NRP1: variants seen among roughly 807,000 people sequenced by gnomAD.
NRP1 encodes the protein neuropilin 1.
A neutral mutation model predicts 106.7 loss-of-function variants in NRP1; 35 were observed. The ratio of observed to expected loss-of-function variants is 0.33; its 90% confidence interval spans 0.25 to 0.43. The LOEUF (loss-of-function observed/expected upper bound fraction) is 0.43, where lower values mean the gene tolerates loss of function less well. NRP1 is among the 20% of genes least tolerant of loss of function. NRP1 has a pLI of 1.00. For synonymous variants in NRP1, 437 were observed against 417.9 expected (o/e 1.05, Z -0.56); for missense variants, 1,024 against 1,170.4 (o/e 0.87, Z 1.83).
intron 2 of NRP1, among the ~76,000 whole-genome samples, chr10:33,317,097 C>T (rs1564483487): frequency 2.0e-5 from 3 of 152,204 alleles, no homozygotes; most frequent in Non-Finnish European, 4.4e-5. Context: ...CATAGAGGCC[C>T]ATAACAGTCC....
At chr10:33,200,394 C>T (rs907006008) in intron 11 of NRP1, among the ~76,000 whole-genome samples, 2 of 152,182 alleles carry the variant, frequency 1.3e-5, no homozygotes, top group Non-Finnish European at 2.9e-5. Context: ...ACATTCTACT[C>T]ATTTCCATGC....
At chr10:33,230,357 G>T (rs1383971164) in intron 6 of NRP1, among the ~76,000 whole-genome samples, 1 of 152,098 alleles carries the variant, frequency 6.6e-6, no homozygotes, top group African/African-American at 2.4e-5. Context: ...TTGCCACTTT[G>T]GCATGAAGAT....
At chr10:33,254,004 T>C (rs1278712719) in intron 6 of NRP1, 24 bp downstream of exon 6, 7 of 1,581,976 alleles carry the variant, frequency 4.4e-6, no homozygotes, top group Admixed American at 3.8e-5. Flanking sequence ...CAATCCTAGA[T>C]AGGCTTGATC....
At chr10:33,206,377 C>T (rs571625808) in intron 10 of NRP1, 7 of 515,566 alleles carry the variant, frequency 1.4e-5, no homozygotes, top group East Asian at 1.1e-4. Flanking sequence ...GGGTTTGGGA[C>T]ATGACTACAG....
intron 2 of NRP1, among the ~76,000 whole-genome samples, chr10:33,283,199 A>G (rs930754450): frequency 2.6e-5 from 4 of 152,262 alleles, no homozygotes; most frequent in African/African-American, 4.8e-5. Context: ...TTATGATGCT[A>G]GAATGAAATG....
At chr10:33,280,372 C>A (rs1844030616) in intron 2 of NRP1, among the ~76,000 whole-genome samples, 1 of 152,134 alleles carries the variant, frequency 6.6e-6, no homozygotes, top group Non-Finnish European at 1.5e-5. Context: ...TTGCAAAGTT[C>A]AGTATTTGTA....
intron 13 of NRP1, among the ~76,000 whole-genome samples, chr10:33,188,590 C>T (rs185250774): frequency 2.0e-4 from 31 of 152,054 alleles, no homozygotes; most frequent in Non-Finnish European, 3.4e-4. Flanking sequence ...TAAATATGCT[C>T]GTGTGGCCGG....
chr10:33,287,635 G>T (rs941714779), intron 2 of NRP1, among the ~76,000 whole-genome samples: 2 of 152,172 alleles, frequency 1.3e-5, no homozygotes, highest in African/African-American at 4.8e-5. Context: ...TAGTTGACTT[G>T]ATAAGACCAT....
chr10:33,275,554 C>T (rs768740301), intron 2 of NRP1, among the ~76,000 whole-genome samples: 13 of 151,734 alleles, frequency 8.6e-5, no homozygotes, highest in East Asian at 5.8e-4. Context: ...GGCAACAGAG[C>T]GAGACTTTGT....
In NRP1 at chr10:33,179,898, G is replaced by A. The variant is rs1835572127; in HGVS notation, c.*178C>T. On this transcript the variant is annotated 3_prime_UTR_variant, in exon 17 of 17. Transcript: ENST00000374867. ...AAGCTGACTGCACATGAGTCCGATG[G>A]TGAACACAGCTCCTTGTCCATGTCT... 1.5e-6 allele frequency: 1 copy of A among 672,546 alleles called. No individual in the cohort carries two copies. The highest frequency in any genetic ancestry group is 2.6e-6 in the Non-Finnish European group (1 of 383,630). The allele number at this position is 672,546 out of a possible 1,614,324, so 41.7% of individuals were successfully genotyped here. A position where few individuals can be genotyped will look rare whatever the true frequency, so the allele number is the denominator to read the frequency against.
intron 2 of NRP1, among the ~76,000 whole-genome samples, chr10:33,292,018 C>A (rs1334794003): frequency 2.6e-5 from 4 of 152,198 alleles, no homozygotes; most frequent in African/African-American, 9.7e-5. Flanking sequence ...ATCCTCCCAT[C>A]TTAGCCTCCA....
intron 2 of NRP1, among the ~76,000 whole-genome samples, chr10:33,326,433 G>A (rs576015281): frequency 9.2e-5 from 14 of 152,094 alleles, no homozygotes; most frequent in Non-Finnish European, 2.1e-4. Context: ...CAAGTGTGCA[G>A]GATTTTGCTG....
Position 33,180,266 on chromosome 10 carries a change from A to G in NRP1, c.2582T>C (p.Ile861Thr). 6.2e-7 allele frequency: 1 copy of G among 1,614,124 alleles called. No homozygotes were observed. The highest frequency in any genetic ancestry group is 8.5e-7 in the Non-Finnish European group (1 of 1,180,014). ...LKTLDPILIT[I>T]IAMSALGVLL... ...GACCCCCAGGGCACTCATGGCTATG[A>G]TGGTGATGAGGATGGGGTCTAAGGT... The change falls in exon 17 of 17, where the codon ATC (isoleucine) becomes ACC (threonine). Residue 861 changes from isoleucine (I) to threonine (T), a missense_variant. Around this residue, in one of 5 missense-constraint regions of NRP1, gnomAD observed 164 missense variants for 161.4 expected, o/e 1.02. Transcript: ENST00000374867.
intron 6 of NRP1, among the ~76,000 whole-genome samples, chr10:33,232,317 TG>T (rs1252107456): frequency 6.6e-6 from 1 of 152,232 alleles, no homozygotes; most frequent in African/African-American, 2.4e-5. Flanking sequence ...CAATCAGCTC[TG>T]CTCTAATCAC....
chr10:33,299,829 C>T (rs577750720), intron 2 of NRP1, among the ~76,000 whole-genome samples: 2 of 152,254 alleles, frequency 1.3e-5, no homozygotes, highest in African/African-American at 2.4e-5. Context: ...ATTCTGATGA[C>T]GATGCTTGCT....
At chr10:33,294,118 C>A (rs1045099568) in intron 2 of NRP1, among the ~76,000 whole-genome samples, 1 of 152,132 alleles carries the variant, frequency 6.6e-6, no homozygotes, top group Admixed American at 6.5e-5. Flanking sequence ...ACATGCTGAT[C>A]GCTTAGTAAT....
intron 2 of NRP1, among the ~76,000 whole-genome samples, chr10:33,308,968 T>C (rs1002991515): frequency 1.3e-5 from 2 of 152,212 alleles, no homozygotes; most frequent in Admixed American, 6.5e-5. Flanking sequence ...CTTCTTAATT[T>C]ATAGAAATGT....
In NRP1 at chr10:33,236,419, G is replaced by T. The variant is rs149727358; in HGVS notation, c.982-10130C>A. Reference sequence around the variant, plus strand: ...CGTACTACATAGAGGGCATGGGTGGGTATTGTGCTCTTCTAATATAACTCT... The same window carrying T: ...CGTACTACATAGAGGGCATGGGTGGTTATTGTGCTCTTCTAATATAACTCT... On this transcript the variant is annotated intron_variant, in intron 6 of 16. Coordinates refer to ENST00000374867, the MANE Select transcript of NRP1 (RefSeq NM_003873.7). Among the ~76,000 whole-genome samples the T allele has an allele frequency of 3.3e-5, 5 of 152,356 alleles. No homozygotes were observed. The East Asian group carries it at 9.6e-4, about 29-fold the overall frequency.
chr10:33,301,326 G>A (rs1049905606), intron 2 of NRP1, among the ~76,000 whole-genome samples: 2 of 152,098 alleles, frequency 1.3e-5, no homozygotes, highest in Admixed American at 1.3e-4. Context: ...CCTTTGGAGT[G>A]GAATTTTCAT....
Sources: allele counts gnomAD v4.1 joint callset (sites outside exome capture counted in the v4.1 genomes callset), GRCh38; gene constraint gnomAD v4.1.1; regional missense constraint gnomAD v4.1.1; transcripts MANE v1.5; gene names NCBI Gene and HGNC (gene_info 2026-07-23, HGNC 2026-07-21).